PCDHA7: variants seen among roughly 807,000 people sequenced by gnomAD.
PCDHA7 encodes the protein protocadherin alpha-7.
Under a neutral mutation model 57.2 loss-of-function variants are expected in PCDHA7, and 37 were observed. That is an observed-to-expected ratio of 0.65 (90% confidence interval 0.50 to 0.85). The LOEUF (loss-of-function observed/expected upper bound fraction) is 0.85. PCDHA7 is among the 40% of genes least tolerant of loss of function. The pLI is 0.00. For synonymous variants in PCDHA7, 553 were observed against 558.8 expected (o/e 0.99, Z 0.15); for missense variants, 1,188 against 1,241.8 (o/e 0.96, Z 0.65).
intron 1 of PCDHA7, among the ~76,000 whole-genome samples, chr5:140,916,511 C>G (rs2077595595): frequency 6.6e-6 from 1 of 152,132 alleles, no homozygotes; most frequent in African/African-American, 2.4e-5. Flanking sequence ...ATTAATCTTG[C>G]CAAGACTGGG....
chr5:140,973,134 C>T (rs999970948), intron 1 of PCDHA7, among the ~76,000 whole-genome samples: 6 of 152,182 alleles, frequency 3.9e-5, no homozygotes, highest in Admixed American at 6.5e-5. Flanking sequence ...AGTTTGCATT[C>T]ACTTTCACTT....
chr5:140,926,799 T>A, intron 1 of PCDHA7: 2 of 1,456,322 alleles, frequency 1.4e-6, no homozygotes, highest in Non-Finnish European at 1.8e-6. Flanking sequence ...GAGCGTGCTC[T>A]TCCCCGCGGC....
Position 140,839,456 on chromosome 5 carries a change from C to G in PCDHA7, c.2355+2718C>G, listed in dbSNP as rs1456767329. Reference sequence around the variant, plus strand: ...CCAGACTGCAGTGCAGTGGCACAATCTGGGCTTACTGCAATCTCTGCCTCC... The same window carrying G: ...CCAGACTGCAGTGCAGTGGCACAATGTGGGCTTACTGCAATCTCTGCCTCC... On this transcript the variant is annotated intron_variant, in intron 1 of 3. Transcript: ENST00000525929. 1.3e-5 allele frequency among the ~76,000 whole-genome samples: 2 copies of G among 151,882 alleles called. 1 individual carries two copies. The highest frequency in any genetic ancestry group is 2.9e-5 in the Non-Finnish European group (2 of 67,974).
intron 1 of PCDHA7, chr5:140,927,088 T>C (rs1554204002): frequency 6.2e-7 from 1 of 1,612,662 alleles, no homozygotes; most frequent in Admixed American, 1.7e-5. Context: ...CGAGCTCTAC[T>C]TCGGGGTGGA....
At position 141,010,692 on chromosome 5, in the gene PCDHA7, G is replaced by A. The variant is rs1415098319; in HGVS notation, c.*755G>A. The A allele has an allele frequency of 1.9e-5, 3 of 159,998 alleles. No homozygotes were observed. The highest frequency in any genetic ancestry group is 7.2e-5 in the African/African-American group (3 of 41,584). 9.9% of individuals were successfully genotyped at this position (159,998 alleles called of 1,614,324 possible). On this transcript the variant is annotated 3_prime_UTR_variant, in exon 4 of 4. Coordinates refer to ENST00000525929, the MANE Select transcript of PCDHA7 (RefSeq NM_018910.3). ...TGGGAAACAGAAGCAGATCTGATGT[G>A]TTTCCTATACATGTCCTGTGCTCAC...
intron 1 of PCDHA7, chr5:140,869,389 T>G (rs949262123): frequency 1.9e-6 from 3 of 1,614,180 alleles, no homozygotes; most frequent in Admixed American, 3.3e-5. Flanking sequence ...CGAGGAGCTG[T>G]GCGGGCAGAG....
Position 140,836,302 on chromosome 5 carries a change from C to T in PCDHA7, c.1919C>T (p.Thr640Met), listed in dbSNP as rs2150257183. ...EISTTRALDE[T>M]DAPRHRLLVL... ...AGCACGACACGAGCCCTAGATGAGA[C>T]GGACGCACCGCGCCACCGCCTTCTG... Residue 640 changes from threonine (T) to methionine (M), a missense_variant, in exon 1 of 4, where the codon ACG (threonine) becomes ATG (methionine). By Grantham distance (81) the Thr-to-Met change is moderately conservative. Transcript: ENST00000525929. 28 of 1,613,614 alleles carry T rather than the reference C, an allele frequency of 1.7e-5. No homozygotes were observed. The highest frequency in any genetic ancestry group is 2.3e-5 in the Non-Finnish European group (27 of 1,179,812).
At chr5:140,985,981 C>T (rs966841419) in intron 3 of PCDHA7, among the ~76,000 whole-genome samples, 18 of 152,140 alleles carry the variant, frequency 1.2e-4, no homozygotes, top group Middle Eastern at 6.8e-3. Context: ...CCTCGTGATC[C>T]GCCCACCTCA....
chr5:140,975,811 A>G (rs2096684538), intron 1 of PCDHA7, among the ~76,000 whole-genome samples: 3 of 134,728 alleles, frequency 2.2e-5, no homozygotes, highest in Non-Finnish European at 5.2e-5. Context: ...TATAATTTTA[A>G]TAGGAACTGA....
At chr5:140,922,254 T>G (rs2080741873) in intron 1 of PCDHA7, among the ~76,000 whole-genome samples, 1 of 152,228 alleles carries the variant, frequency 6.6e-6, no homozygotes, top group East Asian at 1.9e-4. Context: ...GATAAGTTAC[T>G]AAGTGCCATG....
Position 140,857,156 on chromosome 5 carries a change from C to T in PCDHA7, c.2355+20418C>T, listed in dbSNP as rs782492965. The T allele has an allele frequency of 4.4e-5, 71 of 1,598,308 alleles. 2 individuals carry two copies. In the South Asian group the frequency reaches 7.7e-4, roughly 17 times the overall value. On this transcript the variant is annotated intron_variant, in intron 1 of 3. Transcript: ENST00000525929. ...TGCTCAAGTGGGCACCGTCATTGCC[C>T]TAATCAGCGTTTCTGACCATGATTC...
In PCDHA7 at chr5:140,836,132, G is replaced by T; in HGVS notation, c.1749G>T (p.Arg583=). 6.2e-7 allele frequency: 1 copy of T among 1,613,758 alleles called. No homozygotes were observed. Residue 583 remains arginine (R), a synonymous_variant, in exon 1 of 4, where the codon CGG becomes CGT. Transcript: ENST00000525929. ...TGGAVRELVP[R]SVGAGHVVAK... is the part of the protein sequence containing the mutation. ...GCGCAGTGAGAGAGCTTGTGCCGCGGTCTGTGGGCGCGGGCCATGTGGTGG... is the reference window on the plus strand; with the variant it reads ...GCGCAGTGAGAGAGCTTGTGCCGCGTTCTGTGGGCGCGGGCCATGTGGTGG...
Position 140,836,150 on chromosome 5 carries a change from T to A in PCDHA7, c.1767T>A (p.His589Gln), listed in dbSNP as rs2150254160. 1 of 1,613,680 alleles carries A rather than the reference T, an allele frequency of 6.2e-7. No individual in the cohort carries two copies. The highest frequency in any genetic ancestry group is 8.5e-7 in the Non-Finnish European group (1 of 1,179,750). Reference sequence around the variant, plus strand: ...TGCCGCGGTCTGTGGGCGCGGGCCATGTGGTGGCGAAGGTACGTGCAGTTG... The same window carrying A: ...TGCCGCGGTCTGTGGGCGCGGGCCAAGTGGTGGCGAAGGTACGTGCAGTTG... ...ELVPRSVGAG[H>Q]VVAKVRAVDA... Residue 589 changes from histidine to glutamine, a missense_variant, in exon 1 of 4, where the codon CAT becomes CAA. Coordinates refer to ENST00000525929, the MANE Select transcript of PCDHA7 (RefSeq NM_018910.3).
At chr5:140,946,342 A>G (rs2093932164) in intron 1 of PCDHA7, among the ~76,000 whole-genome samples, 1 of 151,846 alleles carries the variant, frequency 6.6e-6, no homozygotes, top group African/African-American at 2.4e-5. Context: ...CAAGTGATGG[A>G]GAGGATGTGG....
At chr5:140,988,093 G>C (rs17119334) in intron 3 of PCDHA7, among the ~76,000 whole-genome samples, 1 of 152,036 alleles carries the variant, frequency 6.6e-6, no homozygotes, top group Non-Finnish European at 1.5e-5. Flanking sequence ...GTGCAGCCTC[G>C]GGCCTTGTTG....
chr5:140,927,105 CAGCGG>C, intron 1 of PCDHA7: 1 of 1,613,778 alleles, frequency 6.2e-7, no homozygotes, highest in Non-Finnish European at 8.5e-7. Flanking sequence ...TGGATCTACC[CAGCGG>C]CAATTTGGTG....
Position 140,857,975 on chromosome 5 carries a change from C to T in PCDHA7, c.2355+21237C>T, listed in dbSNP as rs782181380. The T allele has an allele frequency of 7.5e-6, 12 of 1,596,906 alleles. 2 individuals are homozygous for T. In the Admixed American group the frequency reaches 1.0e-4, roughly 14 times the overall value. On this transcript the variant is annotated intron_variant, in intron 1 of 3. Coordinates refer to ENST00000525929, the MANE Select transcript of PCDHA7 (RefSeq NM_018910.3). ...CGCTCTGGATGAGACTGACTCGCCA[C>T]GCCAGCGCCTACTGGTGCTGGTGAA...
At chr5:140,909,835 C>T (rs1554193946) in intron 1 of PCDHA7, among the ~76,000 whole-genome samples, 2 of 152,068 alleles carry the variant, frequency 1.3e-5, no homozygotes, top group Non-Finnish European at 2.9e-5. Context: ...AACTGGAGGA[C>T]CACCAGGACG....
rs2150260681 is a variant in PCDHA7 at position 140,836,426 on chromosome 5, G to A, written c.2043G>A (p.Arg681=). The stretch of plus-strand genomic sequence containing the variant: ...GCCAGGCACCAAAGGCGTCGTCGCG[G>A]GCATCGTTGGGCATTGCAGGCCCAG... ...ESGQAPKASS[R]ASLGIAGPET... The change falls in exon 1 of 4, where the codon CGG becomes CGA. Residue 681 remains arginine (R), a synonymous_variant. Transcript: ENST00000525929. 2.7e-5 allele frequency: 44 copies of A among 1,613,710 alleles called. 1 individual carries two copies. The highest frequency in any genetic ancestry group is 3.5e-5 in the Non-Finnish European group (41 of 1,179,868).
Sources: gnomAD v4.1 joint callset for allele counts (sites outside exome capture counted in the v4.1 genomes callset) on GRCh38, gnomAD v4.1.1 for gene constraint, MANE v1.5 for transcripts, NCBI Gene and HGNC (gene_info 2026-07-23, HGNC 2026-07-21) for gene names.